The following HDX variants were observed in gnomAD, a reference collection of about 807,000 sequenced individuals.
The protein encoded by HDX is highly divergent homeobox, also known as chromosome X open reading frame 43.
Under a neutral mutation model 45.2 loss-of-function variants are expected in HDX, and 19 were observed. That is an observed-to-expected ratio of 0.42 (90% confidence interval 0.29 to 0.62). HDX has a LOEUF of 0.62. Ranked by LOEUF, HDX falls within the 20% of genes least tolerant of loss-of-function variation. The pLI is 0.20. For missense variants in HDX, 532 were observed against 493.9 expected (o/e 1.08, Z -0.73); for synonymous variants, 188 against 172.8 (o/e 1.09, Z -0.69).
intron 4 of HDX, among the ~76,000 whole-genome samples, chrX:84,459,355 T>A (rs2040186362): frequency 9.2e-6 from 1 of 108,325 alleles, no homozygotes; most frequent in East Asian, 2.9e-4. Flanking sequence ...GACAGGAGAA[T>A]GGCGTGAACC....
At chrX:84,342,661 T>A (rs143746813) in intron 7 of HDX, among the ~76,000 whole-genome samples, 9,253 of 110,388 alleles carry the variant, frequency 0.084, 395 homozygotes, top group East Asian at 0.26. Context: ...AAAATAAAAT[T>A]GGATGTATTC....
intron 5 of HDX, among the ~76,000 whole-genome samples, chrX:84,390,191 C>T (rs953046964): frequency 9.0e-6 from 1 of 110,616 alleles, no homozygotes; most frequent in African/African-American, 3.3e-5. Context: ...TCCCCTCCCC[C>T]ATCATTGTTT....
At chrX:84,380,192 C>T (rs979809654) in intron 5 of HDX, among the ~76,000 whole-genome samples, 3 of 108,779 alleles carry the variant, frequency 2.8e-5, no homozygotes, top group African/African-American at 1.0e-4. Context: ...CCCAAACAGA[C>T]CAATAACAAG....
intron 5 of HDX, among the ~76,000 whole-genome samples, chrX:84,426,086 T>C (rs140700256): frequency 0.06 from 6,638 of 110,381 alleles, 185 homozygotes; most frequent in South Asian, 0.15. Flanking sequence ...CATATATATA[T>C]ACACCTACTA....
intron 5 of HDX, among the ~76,000 whole-genome samples, chrX:84,432,077 T>G (rs1204294732): frequency 9.0e-6 from 1 of 110,933 alleles, no homozygotes; most frequent in East Asian, 2.9e-4. Context: ...TCTAGCATCA[T>G]CTATTGAATA....
intron 5 of HDX, among the ~76,000 whole-genome samples, chrX:84,367,547 C>T (rs994623725): frequency 6.2e-5 from 7 of 112,363 alleles, no homozygotes; most frequent in African/African-American, 2.3e-4. Context: ...AAGACACATG[C>T]ACACTTGTGT....
chrX:84,455,903 A>G (rs1478578694), intron 4 of HDX, among the ~76,000 whole-genome samples: 1 of 112,447 alleles, frequency 8.9e-6, no homozygotes, highest in Non-Finnish European at 1.9e-5. Flanking sequence ...CTTACTTGCC[A>G]GGAGACAGTG....
intron 5 of HDX, among the ~76,000 whole-genome samples, chrX:84,408,124 A>G (rs1434658446): frequency 5.4e-5 from 6 of 111,478 alleles, no homozygotes; most frequent in African/African-American, 9.8e-5. Flanking sequence ...ACCTGGCTCT[A>G]CATCCAGAAT....
At chrX:84,495,716 C>G (rs1019521630) in intron 1 of HDX, among the ~76,000 whole-genome samples, 5 of 111,133 alleles carry the variant, frequency 4.5e-5, no homozygotes, top group Non-Finnish European at 9.5e-5. Context: ...AACAGAGATC[C>G]AAAGATAGAT....
intron 3 of HDX, among the ~76,000 whole-genome samples, chrX:84,474,625 A>G (rs1489550360): frequency 3.6e-5 from 4 of 112,077 alleles, no homozygotes; most frequent in African/African-American, 1.3e-4. Context: ...TGCATTCAAT[A>G]AGATCCGTGA....
intron 7 of HDX, among the ~76,000 whole-genome samples, chrX:84,337,963 T>C (rs1907768133): frequency 9.0e-6 from 1 of 111,324 alleles, no homozygotes; most frequent in Admixed American, 9.6e-5. Context: ...AATGTTCCTC[T>C]CTCTCTCTTT....
chrX:84,462,386 G>A (rs1228376683), intron 4 of HDX, among the ~76,000 whole-genome samples: 1 of 111,664 alleles, frequency 9.0e-6, no homozygotes, highest in Non-Finnish European at 1.9e-5. Context: ...TGGAACTGGA[G>A]GTCATTATGT....
rs1229071225 is a variant in HDX, at chrX:84,430,844, TTCTC to T, written c.1305+9684_1305+9687del. Among the ~76,000 whole-genome samples, 6 of 110,116 alleles carry T rather than the reference TTCTC, an allele frequency of 5.4e-5. No homozygotes were observed. The South Asian group carries it at 1.9e-3, about 35-fold the overall frequency. On this transcript the variant is annotated intron_variant, in intron 5 of 10. Coordinates refer to ENST00000373177, the MANE Select transcript of HDX (RefSeq NM_001177479.2). ...TTCTCCCTCTTTCTTTCTTCTCTTTTTCTCTCTTTTTTTTAAATTTAACAAGTTT... is the reference window on the plus strand; with the variant it reads ...TTCTCCCTCTTTCTTTCTTCTCTTTTTCTTTTTTTTAAATTTAACAAGTTT...
chrX:84,502,414 G>A lies in HDX; in HGVS notation c.-182C>T, dbSNP rs1295332613. The stretch of plus-strand genomic sequence containing the variant: ...GCCGCTGCTGGGGCAGGCGGATTCA[G>A]CGAGATTTTTCCTGGGTCTCCAGTG... On this transcript the variant is annotated 5_prime_UTR_variant, in exon 1 of 11. Coordinates refer to ENST00000373177, the MANE Select transcript of HDX (RefSeq NM_001177479.2). 8.9e-6 allele frequency: 1 copy of A among 111,797 alleles called. No homozygotes were observed. The highest frequency in any genetic ancestry group is 2.8e-4 in the East Asian group (1 of 3,534). 9.2% of individuals were successfully genotyped at this position (111,797 alleles called of 1,213,427 possible).
chrX:84,386,605 A>T (rs1211869374), intron 5 of HDX, among the ~76,000 whole-genome samples: 1 of 111,783 alleles, frequency 8.9e-6, no homozygotes, highest in Non-Finnish European at 1.9e-5. Context: ...ACAGGAATTT[A>T]TCTATTTCCT....
intron 5 of HDX, among the ~76,000 whole-genome samples, chrX:84,432,014 T>A (rs754083545): frequency 9.0e-6 from 1 of 111,464 alleles, no homozygotes; most frequent in Non-Finnish European, 1.9e-5. Flanking sequence ...TTTTTTTATA[T>A]TGTATAAGAA....
At chrX:84,472,727 C>T (rs2040475291) in intron 3 of HDX, among the ~76,000 whole-genome samples, 1 of 110,269 alleles carries the variant, frequency 9.1e-6, no homozygotes, top group Admixed American at 9.7e-5. Flanking sequence ...TAGTGAAAAC[C>T]CTGAGTCAAA....
intron 6 of HDX, among the ~76,000 whole-genome samples, chrX:84,347,505 T>C (rs1175417061): frequency 8.9e-6 from 1 of 111,812 alleles, no homozygotes; most frequent in Non-Finnish European, 1.9e-5. Context: ...TTTTGTACTG[T>C]TCAATGTACT....
At chrX:84,382,485 CG>C (rs1372888049) in intron 5 of HDX, among the ~76,000 whole-genome samples, 1 of 111,624 alleles carries the variant, frequency 9.0e-6, no homozygotes, top group African/African-American at 3.2e-5. Context: ...AAATATAGTA[CG>C]TACACACAAT....
Sources: allele counts gnomAD v4.1 joint callset (sites outside exome capture counted in the v4.1 genomes callset), GRCh38; gene constraint gnomAD v4.1.1; transcripts MANE v1.5; gene names NCBI Gene and HGNC (gene_info 2026-07-23, HGNC 2026-07-21).